The following ZNG1F variants were observed in gnomAD, a reference collection of about 807,000 sequenced individuals.
ZNG1F encodes zinc-regulated GTPase metalloprotein activator 1F.
the ZNG1F span, among the ~76,000 whole-genome samples, chr9:41,185,235 T>C: frequency 7.3e-6 from 1 of 137,714 alleles, no homozygotes; most frequent in Admixed American, 7.7e-5. Context: ...AGACCATATG[T>C]TTACTTTCTT....
At chr9:41,156,018 T>TAAA in the ZNG1F span, among the ~76,000 whole-genome samples, 1 of 104,570 alleles carries the variant, frequency 9.6e-6, no homozygotes, top group Non-Finnish European at 1.9e-5. Flanking sequence ...CAAGAAAAAA[T>TAAA]AAAAAATAAA....
At chr9:41,137,162 G>A in the ZNG1F span, among the ~76,000 whole-genome samples, 3 of 142,192 alleles carry the variant, frequency 2.1e-5, no homozygotes, top group Non-Finnish European at 4.6e-5. Flanking sequence ...TATCCCAGAG[G>A]TTGATAGGTT....
chr9:41,155,000 A>G, the ZNG1F span, among the ~76,000 whole-genome samples: 1 of 150,706 alleles, frequency 6.6e-6, no homozygotes, highest in Non-Finnish European at 1.5e-5. Context: ...CAAAATTGAC[A>G]GATGGGATCT....
At chr9:41,150,311 C>T in the ZNG1F span, among the ~76,000 whole-genome samples, 3 of 150,774 alleles carry the variant, frequency 2.0e-5, no homozygotes, top group East Asian at 2.0e-4. Flanking sequence ...GCACCTGGCT[C>T]GGAGGGTCCC....
the ZNG1F span, among the ~76,000 whole-genome samples, chr9:41,155,071 T>C: frequency 2.0e-5 from 3 of 149,092 alleles, no homozygotes; most frequent in South Asian, 2.1e-4. Flanking sequence ...ACAGGCAACC[T>C]ACAAAATGGG....
At chr9:41,187,029 A>C in the ZNG1F span, among the ~76,000 whole-genome samples, 1 of 145,414 alleles carries the variant, frequency 6.9e-6, no homozygotes, top group African/African-American at 2.5e-5. Context: ...GGCCCTGAAC[A>C]TGAGTGTTTC....
chr9:41,152,480 C>T, the ZNG1F span, among the ~76,000 whole-genome samples: 1 of 141,816 alleles, frequency 7.1e-6, no homozygotes, highest in South Asian at 2.3e-4. Flanking sequence ...AGGAATTGAA[C>T]TCAGCTCTGC....
At chr9:41,134,205 C>A in the ZNG1F span, among the ~76,000 whole-genome samples, 22,691 of 142,588 alleles carry the variant, frequency 0.16, 2,396 homozygotes, top group Middle Eastern at 0.26. Context: ...AAATAAGGGT[C>A]AAAAAAATAA....
At chr9:41,138,033 CTTGT>C in the ZNG1F span, among the ~76,000 whole-genome samples, 2 of 78,540 alleles carry the variant, frequency 2.5e-5, 1 homozygote, top group African/African-American at 7.3e-5. Context: ...GCCTGTATAC[CTTGT>C]TTTTTTGTTT....
At chr9:41,152,283 A>T in the ZNG1F span, among the ~76,000 whole-genome samples, 1 of 147,166 alleles carries the variant, frequency 6.8e-6, no homozygotes, top group Non-Finnish European at 1.5e-5. Context: ...AAAGGGATCA[A>T]TTCAACAAGA....
At chr9:41,155,109 A>G in the ZNG1F span, among the ~76,000 whole-genome samples, 8 of 150,928 alleles carry the variant, frequency 5.3e-5, no homozygotes, top group African/African-American at 1.7e-4. Flanking sequence ...TACTCATCTG[A>G]CAAAGGGCTA....
the ZNG1F span, among the ~76,000 whole-genome samples, chr9:41,149,782 G>A: frequency 4.6e-5 from 7 of 150,936 alleles, no homozygotes; most frequent in Non-Finnish European, 8.9e-5. Context: ...TAGCAATACT[G>A]TATTGTACAC....
chr9:41,164,919 T>A, the ZNG1F span: 10 of 1,366,088 alleles, frequency 7.3e-6, no homozygotes, highest in African/African-American at 1.3e-4. Flanking sequence ...ACCTTAAGTT[T>A]CTACAGGGCA....
chr9:41,194,115 T>TTG, the ZNG1F span, among the ~76,000 whole-genome samples: 3 of 118,610 alleles, frequency 2.5e-5, no homozygotes, highest in African/African-American at 9.4e-5. Context: ...GTTAAATTCA[T>TTG]TGTGGCCTAA....
the ZNG1F span, chr9:41,145,266 AT>A: frequency 8.3e-6 from 3 of 362,410 alleles, no homozygotes; most frequent in Non-Finnish European, 9.3e-6. Flanking sequence ...TTGGATTTAG[AT>A]TTTTTTTCTT....
At chr9:41,145,906 C>T in the ZNG1F span, 2 of 118,470 alleles carry the variant, frequency 1.7e-5, no homozygotes, top group African/African-American at 6.3e-5. Context: ...ATGAAAAGCA[C>T]AAGAAGATCA....
chr9:41,204,388 T>TTATATATATATATATATATA, the ZNG1F span, among the ~76,000 whole-genome samples: 1 of 20,230 alleles, frequency 4.9e-5, no homozygotes, highest in Non-Finnish European at 1.2e-4. Flanking sequence ...AATTTTTATT[T>TTATATATATATATATATATA]TATATATATA....
At chr9:41,192,770 CTT>C in the ZNG1F span, among the ~76,000 whole-genome samples, 4 of 78,662 alleles carry the variant, frequency 5.1e-5, no homozygotes, top group Admixed American at 1.4e-4. Flanking sequence ...CTGTGCCGGG[CTT>C]TTTTTTTTTT....
At chr9:41,198,244 A>G in the ZNG1F span, among the ~76,000 whole-genome samples, 5 of 145,714 alleles carry the variant, frequency 3.4e-5, no homozygotes, top group Admixed American at 1.4e-4. Flanking sequence ...CCTACTAATA[A>G]TACAAAAATC....
Sources: allele counts gnomAD v4.1 joint callset (sites outside exome capture counted in the v4.1 genomes callset), GRCh38; gene constraint gnomAD v4.1.1; transcripts MANE v1.5; gene names NCBI Gene and HGNC (gene_info 2026-07-23, HGNC 2026-07-21).